The following VPS13B variants were observed in gnomAD, a reference collection of about 807,000 sequenced individuals.
VPS13B encodes vacuolar protein sorting 13 homolog B.
A neutral mutation model predicts 426.4 loss-of-function variants in VPS13B; 285 were observed. The observed-to-expected ratio is 0.67, with a 90% CI of 0.61 to 0.74. VPS13B has a LOEUF of 0.74. VPS13B is among the 30% of genes least tolerant of loss of function. VPS13B has a pLI of 0.00. For synonymous variants in VPS13B, 1,676 were observed against 1,676.4 expected (o/e 1.00, Z 0.01); for missense variants, 4,537 against 4,782.6 (o/e 0.95, Z 1.51).
intron 54 of VPS13B, among the ~76,000 whole-genome samples, chr8:99,846,546 A>G (rs1313381440): frequency 1.3e-5 from 2 of 152,242 alleles, no homozygotes; most frequent in Non-Finnish European, 2.9e-5. Context: ...AGCTGCCATC[A>G]TGCAAAAGGC....
Position 99,433,043 on chromosome 8 carries a change from C to T in VPS13B, c.3210+1379C>T, listed in dbSNP as rs1489651370. Among the ~76,000 whole-genome samples the T allele has an allele frequency of 4.6e-5, 7 of 152,174 alleles. No homozygotes were observed. In the East Asian group the frequency reaches 1.3e-3, roughly 29 times the overall value. On this transcript the variant is annotated intron_variant, in intron 22 of 61. Coordinates refer to ENST00000357162, the MANE Select transcript of VPS13B (RefSeq NM_152564.5). ...AATGGTGATGATCCTGCTTCATGAA[C>T]ATACGTGTCAATTAAGCTAACCCTA...
At chr8:99,192,116 C>T (rs1273585580) in intron 16 of VPS13B, among the ~76,000 whole-genome samples, 2 of 152,092 alleles carry the variant, frequency 1.3e-5, no homozygotes, top group Non-Finnish European at 2.9e-5. Flanking sequence ...ACTTGTTGCT[C>T]ACAGACATAT....
At chr8:99,819,328 AT>A (rs1814230386) in intron 47 of VPS13B, 83 bp from the exon 48 acceptor site, 3 of 1,492,504 alleles carry the variant, frequency 2.0e-6, no homozygotes, top group Non-Finnish European at 9.2e-7. Flanking sequence ...TCTATAATAC[AT>A]TTGTAGTTAG....
At chr8:99,719,342 C>T (rs1448668116) in intron 37 of VPS13B, among the ~76,000 whole-genome samples, 3 of 152,326 alleles carry the variant, frequency 2.0e-5, no homozygotes, top group Non-Finnish European at 2.9e-5. Context: ...CAACATTCTA[C>T]TCCCCGTTTG....
At chr8:99,531,078 G>A (rs1394897260) in intron 30 of VPS13B, among the ~76,000 whole-genome samples, 1 of 152,112 alleles carries the variant, frequency 6.6e-6, no homozygotes, top group Non-Finnish European at 1.5e-5. Context: ...CATTTGTAGT[G>A]CATTCTCCTT....
intron 17 of VPS13B, among the ~76,000 whole-genome samples, chr8:99,273,545 A>C (rs1818718590): frequency 6.6e-6 from 1 of 151,922 alleles, no homozygotes; most frequent in African/African-American, 2.4e-5. Context: ...AGCACTTTGG[A>C]AGGCTGAGTT....
intron 22 of VPS13B, among the ~76,000 whole-genome samples, chr8:99,439,590 GAAATTATGCA>G (rs1817580654): frequency 1.3e-5 from 2 of 152,084 alleles, no homozygotes; most frequent in South Asian, 4.1e-4. Context: ...TGGTACTGTA[GAAATTATGCA>G]AAATATAATT....
intron 31 of VPS13B, among the ~76,000 whole-genome samples, chr8:99,570,213 C>T (rs1283983272): frequency 6.6e-6 from 1 of 152,154 alleles, no homozygotes; most frequent in Non-Finnish European, 1.5e-5. Context: ...ACTGTGCTTC[C>T]TGAGTCTATG....
At chr8:99,226,518 C>G (rs1346724709) in intron 17 of VPS13B, among the ~76,000 whole-genome samples, 1 of 152,088 alleles carries the variant, frequency 6.6e-6, no homozygotes, top group Non-Finnish European at 1.5e-5. Flanking sequence ...TTCTTAGATA[C>G]AGCATTTTGT....
chr8:99,361,940 C>A (rs1010871365), intron 19 of VPS13B, among the ~76,000 whole-genome samples: 69 of 152,112 alleles, frequency 4.5e-4, no homozygotes, highest in African/African-American at 1.6e-3. Context: ...TCTCATTTTA[C>A]ATTTAAGAAA....
At chr8:99,153,387 T>C (rs758139482) in intron 14 of VPS13B, among the ~76,000 whole-genome samples, 6 of 152,182 alleles carry the variant, frequency 3.9e-5, no homozygotes, top group Non-Finnish European at 5.9e-5. Flanking sequence ...TGATTTTTTT[T>C]CCCGCTCTTT....
chr8:99,054,114 G>A (rs1042428126), intron 3 of VPS13B, among the ~76,000 whole-genome samples: 2 of 152,180 alleles, frequency 1.3e-5, no homozygotes, highest in Admixed American at 6.5e-5. Context: ...TTTGGTTATT[G>A]AGTATAATGC....
chr8:99,839,642 A>T (rs1815575397), intron 54 of VPS13B, among the ~76,000 whole-genome samples: 1 of 152,194 alleles, frequency 6.6e-6, no homozygotes, highest in Non-Finnish European at 1.5e-5. Context: ...TTCCTACACC[A>T]GGCTCAAGCC....
At position 99,454,918 on chromosome 8, in the gene VPS13B, A is replaced by G. The variant is rs545627573; in HGVS notation, c.3445+12283A>G. On this transcript the variant is annotated intron_variant, in intron 23 of 61. Transcript: ENST00000357162. ...TTTTATACGCTTATTTGCCATCTGT[A>G]TGTCTTTGATTGAGGGGTCTGTTAA... Among the ~76,000 whole-genome samples the G allele has an allele frequency of 1.5e-4, 23 of 152,204 alleles. No homozygotes were observed. In the East Asian group the frequency reaches 3.1e-3, roughly 20 times the overall value.
intron 25 of VPS13B, among the ~76,000 whole-genome samples, chr8:99,498,633 T>C (rs565561242): frequency 6.6e-6 from 1 of 152,318 alleles, no homozygotes; most frequent in South Asian, 2.1e-4. Context: ...GTTTATATGA[T>C]CCTTAGATGA....
At chr8:99,328,592 G>A (rs552938698) in intron 19 of VPS13B, among the ~76,000 whole-genome samples, 79 of 152,146 alleles carry the variant, frequency 5.2e-4, no homozygotes, top group Middle Eastern at 6.8e-3. Flanking sequence ...GAGATGATTG[G>A]ATAAGATAAC....
chr8:99,061,024 C>T (rs929163143), intron 3 of VPS13B, among the ~76,000 whole-genome samples: 1 of 152,114 alleles, frequency 6.6e-6, no homozygotes, highest in Non-Finnish European at 1.5e-5. Context: ...GCTTTTGACA[C>T]TATAATTTAT....
chr8:99,294,697 T>C (rs1032492448), intron 19 of VPS13B, among the ~76,000 whole-genome samples: 6 of 152,210 alleles, frequency 3.9e-5, no homozygotes, highest in Admixed American at 3.9e-4. Context: ...AATCTTGGTG[T>C]AAATCACTTG....
intron 17 of VPS13B, among the ~76,000 whole-genome samples, chr8:99,204,696 A>G (rs1291803493): frequency 1.3e-5 from 2 of 152,228 alleles, no homozygotes; most frequent in Non-Finnish European, 2.9e-5. Context: ...TGTGCAAAAG[A>G]TATGAACAAA....
Sources: allele counts gnomAD v4.1 joint callset (sites outside exome capture counted in the v4.1 genomes callset), GRCh38; gene constraint gnomAD v4.1.1; transcripts MANE v1.5; gene names NCBI Gene and HGNC (gene_info 2026-07-23, HGNC 2026-07-21).